Variants in DENND1A observed in about 807,000 individuals in gnomAD.
The protein encoded by DENND1A is DENN domain-containing protein 1A.
DENND1A carries 51 observed loss-of-function variants against 113.7 expected under a neutral mutation model. The observed-to-expected ratio is 0.45, with a 90% CI of 0.36 to 0.57. The LOEUF (loss-of-function observed/expected upper bound fraction) is 0.57. Among genes scored for constraint, DENND1A ranks in the 20% least tolerant of loss-of-function variants. DENND1A has a pLI of 0.00. For missense variants in DENND1A, 1,258 were observed against 1,395.9 expected (o/e 0.90, Z 1.57); for synonymous variants, 565 against 570.8 (o/e 0.99, Z 0.14).
chr9:123,395,437 G>T (rs1230229736), intron 21 of DENND1A, among the ~76,000 whole-genome samples: 3 of 136,834 alleles, frequency 2.2e-5, no homozygotes, highest in Admixed American at 7.1e-5. Context: ...GCTTGGTTTT[G>T]TCTCCAGGGC....
intron 19 of DENND1A, among the ~76,000 whole-genome samples, chr9:123,423,488 C>T (rs1441218707): frequency 6.6e-6 from 1 of 152,108 alleles, no homozygotes; most frequent in Non-Finnish European, 1.5e-5. Context: ...GGGTGCCCAC[C>T]TGCAATCTCA....
At chr9:123,418,825 G>A (rs958627559) in intron 19 of DENND1A, among the ~76,000 whole-genome samples, 2 of 152,258 alleles carry the variant, frequency 1.3e-5, no homozygotes, top group Admixed American at 1.3e-4. Context: ...GTGCGTAACA[G>A]GCCCTGAGAA....
intron 9 of DENND1A, among the ~76,000 whole-genome samples, chr9:123,644,477 C>T (rs1414262158): frequency 1.3e-5 from 2 of 148,368 alleles, no homozygotes; most frequent in African/African-American, 4.9e-5. Flanking sequence ...TTACCTTATC[C>T]ACCAGATTTG....
At chr9:123,481,882 G>A (rs2050369934) in intron 13 of DENND1A, among the ~76,000 whole-genome samples, 1 of 147,784 alleles carries the variant, frequency 6.8e-6, no homozygotes, top group Non-Finnish European at 1.5e-5. Flanking sequence ...TGCAACCTCT[G>A]CCTTCCAGGT....
At chr9:123,455,302 C>T (rs73666958) in intron 15 of DENND1A, among the ~76,000 whole-genome samples, 7,077 of 152,228 alleles carry the variant, frequency 0.046, 553 homozygotes, top group African/African-American at 0.16. Flanking sequence ...GGTCAGGCTC[C>T]GAGGCAGCCG....
intron 13 of DENND1A, among the ~76,000 whole-genome samples, chr9:123,508,982 G>T (rs183300876): frequency 6.6e-6 from 1 of 152,066 alleles, no homozygotes; most frequent in African/African-American, 2.4e-5. Context: ...GCACATGTAC[G>T]TCACCATACA....
At chr9:123,511,788 C>T (rs942291734) in intron 13 of DENND1A, among the ~76,000 whole-genome samples, 8 of 152,222 alleles carry the variant, frequency 5.3e-5, no homozygotes, top group South Asian at 2.1e-4. Context: ...AATGTTGCAG[C>T]GCCAGGCGGG....
At chr9:123,538,749 AGTGTGTGTGTGTGTGTGTGT>A (rs145062895) in intron 13 of DENND1A, among the ~76,000 whole-genome samples, 12 of 91,030 alleles carry the variant, frequency 1.3e-4, no homozygotes, top group African/African-American at 4.9e-4. Context: ...TATGTGTGTG[AGTGTGTGTGTGTGTGTGTGT>A]GTGTGTGTGT....
intron 3 of DENND1A, among the ~76,000 whole-genome samples, chr9:123,787,787 C>T (rs916784971): frequency 6.6e-6 from 1 of 152,046 alleles, no homozygotes; most frequent in African/African-American, 2.4e-5. Context: ...AGAAAGGGCA[C>T]CTTTTAATTT....
At chr9:123,842,218 G>C (rs564116279) in intron 2 of DENND1A, among the ~76,000 whole-genome samples, 13 of 152,298 alleles carry the variant, frequency 8.5e-5, no homozygotes, top group Admixed American at 2.0e-4. Flanking sequence ...GACAATCAGG[G>C]AAGGCAGCAT....
chr9:123,711,240 G>A (rs1333033541), intron 5 of DENND1A, among the ~76,000 whole-genome samples: 2 of 151,426 alleles, frequency 1.3e-5, no homozygotes, highest in Non-Finnish European at 2.9e-5. Context: ...TGAGGCGAGT[G>A]GATCACCTGA....
intron 13 of DENND1A, among the ~76,000 whole-genome samples, chr9:123,473,405 G>A (rs1050783858): frequency 8.5e-5 from 13 of 152,156 alleles, no homozygotes; most frequent in Non-Finnish European, 1.6e-4. Context: ...AAGCGCAGCC[G>A]TTTACACCGC....
intron 18 of DENND1A, among the ~76,000 whole-genome samples, chr9:123,445,310 C>T (rs1222279648): frequency 6.6e-6 from 1 of 152,208 alleles, no homozygotes; most frequent in Non-Finnish European, 1.5e-5. Context: ...GCCCCAGGCC[C>T]AGGGAGGCAG....
intron 5 of DENND1A, among the ~76,000 whole-genome samples, chr9:123,687,113 G>C (rs2064857951): frequency 6.6e-6 from 1 of 152,022 alleles, no homozygotes; most frequent in Non-Finnish European, 1.5e-5. Flanking sequence ...CAGGCAGGCA[G>C]GTAAAGAAAG....
chr9:123,839,375 C>T (rs1841498410), intron 2 of DENND1A, among the ~76,000 whole-genome samples: 1 of 152,274 alleles, frequency 6.6e-6, no homozygotes, highest in South Asian at 2.1e-4. Context: ...AATTCCACCC[C>T]TTGTATTCAA....
At chr9:123,509,234 T>A (rs973107661) in intron 13 of DENND1A, among the ~76,000 whole-genome samples, 4 of 152,192 alleles carry the variant, frequency 2.6e-5, no homozygotes, top group African/African-American at 9.7e-5. Context: ...ATTTTGGCTC[T>A]GAGGGAAAAG....
intron 22 of DENND1A, among the ~76,000 whole-genome samples, chr9:123,387,386 C>T (rs1188429700): frequency 1.3e-5 from 2 of 152,138 alleles, no homozygotes; most frequent in East Asian, 3.8e-4. Context: ...CCAAGATGTG[C>T]TGAGATAAAG....
At chr9:123,561,914 T>G (rs992914285) in intron 12 of DENND1A, among the ~76,000 whole-genome samples, 1 of 152,130 alleles carries the variant, frequency 6.6e-6, no homozygotes, top group Non-Finnish European at 1.5e-5. Context: ...AACCCAGATA[T>G]GCCCTGAATC....
intron 5 of DENND1A, among the ~76,000 whole-genome samples, chr9:123,702,846 A>G (rs1296251044): frequency 1.3e-5 from 2 of 152,044 alleles, no homozygotes; most frequent in Non-Finnish European, 2.9e-5. Context: ...GATGCTAATA[A>G]ATAACATAAA....
Sources: gnomAD v4.1 joint callset for allele counts (sites outside exome capture counted in the v4.1 genomes callset) on GRCh38, gnomAD v4.1.1 for gene constraint, MANE v1.5 for transcripts, NCBI Gene and HGNC (gene_info 2026-07-23, HGNC 2026-07-21) for gene names.